The following DBT variants were observed in gnomAD, a reference collection of about 807,000 sequenced individuals.
DBT encodes the protein dihydrolipoamide branched chain transacylase E2.
Under a neutral mutation model 51.3 loss-of-function variants are expected in DBT, and 40 were observed. The ratio of observed to expected loss-of-function variants is 0.78; its 90% CI spans 0.61 to 1.02. The LOEUF (loss-of-function observed/expected upper bound fraction) is 1.02, where lower values mean the gene tolerates loss of function less well. Ranked by LOEUF, DBT falls within the 50% of genes least tolerant of loss-of-function variation. The pLI is 0.00. For missense variants in DBT, 510 were observed against 580.2 expected (o/e 0.88, Z 1.24); for synonymous variants, 181 against 190.4 (o/e 0.95, Z 0.41).
Position 100,194,380 on chromosome 1 carries a change from C to T in DBT, c.*1875G>A, listed in dbSNP as rs1660975227. On this transcript the variant is annotated 3_prime_UTR_variant, in exon 11 of 11. Coordinates refer to ENST00000370132, the MANE Select transcript of DBT (RefSeq NM_001918.5). ...TGAGACAAAGTGTTGCTCTGCCACCCAGGCTGGAGTGCAGTGGTGTGATCT... is the reference window on the plus strand; with the variant it reads ...TGAGACAAAGTGTTGCTCTGCCACCTAGGCTGGAGTGCAGTGGTGTGATCT... 6.6e-6 allele frequency: 1 copy of T among 152,086 alleles called. No individual in the cohort carries two copies. The highest frequency in any genetic ancestry group is 2.4e-5 in the African/African-American group (1 of 41,342). 9.4% of individuals were successfully genotyped at this position (152,086 alleles called of 1,614,324 possible). A position where few individuals can be genotyped will look rare whatever the true frequency, so the allele number is the denominator to read the frequency against.
At chr1:100,223,313 T>C (rs571753123) in intron 4 of DBT, among the ~76,000 whole-genome samples, 11 of 152,334 alleles carry the variant, frequency 7.2e-5, no homozygotes, top group African/African-American at 2.6e-4. Flanking sequence ...AGAAAGCATC[T>C]GTCACCACAT....
In DBT at chr1:100,230,723, C is replaced by T. The variant is rs1024314250; in HGVS notation, c.433+10G>A. The stretch of plus-strand genomic sequence containing the variant: ...CAATTTGGTAAAATAGATTAACAGA[C>T]TTACAATACCTTTTAAAGCTTCCGT... On this transcript the variant is annotated intron_variant, in intron 4 of 10. Transcript: ENST00000370132. The T allele has an allele frequency of 7.0e-6, 11 of 1,580,650 alleles. No homozygotes were observed. Among genetic ancestry groups the T allele is most frequent in the Admixed American group, 6.7e-5 (4 of 59,402 alleles).
At chr1:100,211,094 GTTGATC>G in intron 7 of DBT, 1 of 779,248 alleles carries the variant, frequency 1.3e-6, no homozygotes, top group Non-Finnish European at 2.4e-6. Flanking sequence ...TCACTGACAT[GTTGATC>G]TTAAGATTTC....
chr1:100,226,504 C>G (rs1663226225), intron 4 of DBT, among the ~76,000 whole-genome samples: 1 of 151,980 alleles, frequency 6.6e-6, no homozygotes, highest in South Asian at 2.1e-4. Flanking sequence ...AGGCTAGTCT[C>G]AAGCTCCCAG....
chr1:100,198,181 C>G (rs1424031179), intron 10 of DBT, among the ~76,000 whole-genome samples: 3 of 151,988 alleles, frequency 2.0e-5, no homozygotes, highest in African/African-American at 2.4e-5. Context: ...TACTATTTAC[C>G]CTTAAAAATT....
chr1:100,195,455 A>G lies in DBT; in HGVS notation c.*800T>C, dbSNP rs1661034086. On this transcript the variant is annotated 3_prime_UTR_variant, in exon 11 of 11. Transcript: ENST00000370132. ...CACTATCAGATGATATTCTCTATAC[A>G]GAGCAAGAATATACTCTTGGATATC... 1.3e-5 allele frequency: 2 copies of G among 152,514 alleles called. No individual in the cohort carries two copies. Among genetic ancestry groups the G allele is most frequent in the African/African-American group, 4.8e-5 (2 of 41,466 alleles). The allele number at this position is 152,514 out of a possible 1,614,324, so 9.4% of individuals were successfully genotyped here. A position where few individuals can be genotyped will look rare whatever the true frequency, so the allele number is the denominator to read the frequency against.
chr1:100,218,711 G>A lies in DBT; in HGVS notation c.470C>T (p.Ser157Phe). Residue 157 changes from serine (S) to phenylalanine (F), a missense_variant, in exon 5 of 11, where the codon TCT (serine) becomes TTT (phenylalanine). Ser to Phe is a radical substitution (Grantham distance 155). Coordinates refer to ENST00000370132, the MANE Select transcript of DBT (RefSeq NM_001918.5). ...EEDVVETPAV[S>F]HDEHTHQEIK... is the part of the protein sequence containing the mutation. ...CTCTTGGTGTGTATGTTCATCATGA[G>A]ACACTGCAGGAGTTTCAACAACATC... The A allele has an allele frequency of 6.2e-7, 1 of 1,613,820 alleles. No homozygotes were observed. The highest frequency in any genetic ancestry group is 1.1e-5 in the South Asian group (1 of 91,066).
At chr1:100,240,643 G>A in intron 2 of DBT, 118 bp downstream of exon 2, 1 of 824,724 alleles carries the variant, frequency 1.2e-6, no homozygotes. Flanking sequence ...GAAGGGCCCG[G>A]CTAGAAATAC....
chr1:100,219,143 G>A (rs1446306531), intron 4 of DBT, among the ~76,000 whole-genome samples: 1 of 152,112 alleles, frequency 6.6e-6, no homozygotes, highest in African/African-American at 2.4e-5. Flanking sequence ...CCTGAGCCCA[G>A]GCATTCAAGA....
intron 2 of DBT, among the ~76,000 whole-genome samples, chr1:100,239,053 A>T (rs1265073985): frequency 6.6e-6 from 1 of 152,236 alleles, no homozygotes; most frequent in African/African-American, 2.4e-5. Context: ...ATATATTCTA[A>T]TTTATTTAAT....
chr1:100,208,973 TTGTAAAAAGTA>T (rs1661966035), intron 8 of DBT, among the ~76,000 whole-genome samples: 1 of 151,332 alleles, frequency 6.6e-6, no homozygotes. Flanking sequence ...ATTCTATATC[TTGTAAAAAGTA>T]TGTAAAAATG....
chr1:100,231,070 T>C (rs1169088012), intron 3 of DBT, among the ~76,000 whole-genome samples, 156 bp from the exon 4 acceptor site: 2 of 152,216 alleles, frequency 1.3e-5, no homozygotes, highest in East Asian at 1.9e-4. Context: ...ATGACTATAA[T>C]GACTTTCAGA....
At chr1:100,197,262 C>T (rs1661171077) in intron 10 of DBT, among the ~76,000 whole-genome samples, 1 of 152,160 alleles carries the variant, frequency 6.6e-6, no homozygotes, top group South Asian at 2.1e-4. Flanking sequence ...GATCCTTGAG[C>T]ACACTGAGTA....
intron 4 of DBT, among the ~76,000 whole-genome samples, chr1:100,227,807 ATTT>A (rs1246210060): frequency 6.6e-6 from 1 of 151,882 alleles, no homozygotes; most frequent in Non-Finnish European, 1.5e-5. Flanking sequence ...TTCAGCCTTT[ATTT>A]TTTAATTTTT....
chr1:100,218,178 T>G (rs1320302196), intron 5 of DBT, among the ~76,000 whole-genome samples: 1 of 152,160 alleles, frequency 6.6e-6, no homozygotes, highest in Non-Finnish European at 1.5e-5. Flanking sequence ...TTTTTTTACT[T>G]AGGACCATGG....
intron 10 of DBT, among the ~76,000 whole-genome samples, chr1:100,199,787 G>A (rs901967490): frequency 7.2e-5 from 11 of 152,282 alleles, no homozygotes; most frequent in African/African-American, 2.4e-4. Flanking sequence ...CCTGGGAGGC[G>A]CAAGGGGTCA....
At chr1:100,220,481 A>G (rs570794899) in intron 4 of DBT, among the ~76,000 whole-genome samples, 1 of 152,340 alleles carries the variant, frequency 6.6e-6, no homozygotes, top group East Asian at 1.9e-4. Context: ...GTGATAAGAT[A>G]GTCTATTCAT....
chr1:100,198,968 A>G (rs886405846), intron 10 of DBT, among the ~76,000 whole-genome samples: 1 of 152,210 alleles, frequency 6.6e-6, no homozygotes, highest in African/African-American at 2.4e-5. Context: ...TTCTTAATGT[A>G]GTGACAATGA....
intron 7 of DBT, chr1:100,213,720 G>A: frequency 5.1e-6 from 8 of 1,576,306 alleles, no homozygotes; most frequent in Middle Eastern, 4.7e-4. Flanking sequence ...TTTTTCTAAT[G>A]TAAATGTTGT....
Sources: allele counts gnomAD v4.1 joint callset (sites outside exome capture counted in the v4.1 genomes callset), GRCh38; gene constraint gnomAD v4.1.1; transcripts MANE v1.5; gene names NCBI Gene and HGNC (gene_info 2026-07-23, HGNC 2026-07-21).